The following ACYP2 variants were observed in gnomAD, a reference collection of about 807,000 sequenced individuals.
ACYP2 encodes acylphosphatase-2.
Under a neutral mutation model 11.2 loss-of-function variants are expected in ACYP2, and 12 were observed. The observed-to-expected ratio is 1.08, with a 90% confidence interval of 0.69 to 1.74. ACYP2 has a LOEUF of 1.74. Among genes scored for constraint, ACYP2 ranks in the 40% most tolerant of loss-of-function variants. ACYP2 has a pLI of 0.00. For missense variants in ACYP2, 134 were observed against 101.9 expected (o/e 1.31, Z -1.35); for synonymous variants, 43 against 32.2 (o/e 1.33, Z -1.13).
At chr2:54,267,579 G>A (rs761146971) in intron 6 of ACYP2, among the ~76,000 whole-genome samples, 3 of 152,126 alleles carry the variant, frequency 2.0e-5, no homozygotes, top group Non-Finnish European at 4.4e-5. Flanking sequence ...AGGCCTCCCT[G>A]GGGTAACAAA....
intron 6 of ACYP2, among the ~76,000 whole-genome samples, chr2:54,154,398 TTG>T (rs1682340989): frequency 6.6e-6 from 1 of 152,236 alleles, no homozygotes; most frequent in Non-Finnish European, 1.5e-5. Context: ...TTTTTCACCA[TTG>T]TGTGTAATGT....
At chr2:54,282,399 C>T (rs1688888659) in intron 6 of ACYP2, among the ~76,000 whole-genome samples, 1 of 152,170 alleles carries the variant, frequency 6.6e-6, no homozygotes, top group Non-Finnish European at 1.5e-5. Flanking sequence ...CACCCTGCTC[C>T]ACATTTTGCT....
intron 6 of ACYP2, among the ~76,000 whole-genome samples, chr2:54,182,047 A>ATTTTTTTTTTTTTTTT (rs35145998): frequency 6.0e-5 from 5 of 83,068 alleles, no homozygotes; most frequent in African/African-American, 2.6e-4. Context: ...ATAGAAGATA[A>ATTTTTTTTTTTTTTTT]TTTTTTTTTT....
chr2:54,189,974 G>A (rs752814668), intron 6 of ACYP2, among the ~76,000 whole-genome samples: 3 of 151,984 alleles, frequency 2.0e-5, no homozygotes, highest in South Asian at 2.1e-4. Context: ...GCATCTTTTC[G>A]TATACCTGTT....
At chr2:54,289,207 C>T (rs1689201850) in intron 6 of ACYP2, among the ~76,000 whole-genome samples, 1 of 151,936 alleles carries the variant, frequency 6.6e-6, no homozygotes, top group Non-Finnish European at 1.5e-5. Context: ...TCCCTTTCAG[C>T]CTCACATCCT....
chr2:54,096,794 C>T (rs988322560), intron 4 of ACYP2, among the ~76,000 whole-genome samples: 28 of 148,508 alleles, frequency 1.9e-4, no homozygotes, highest in African/African-American at 6.6e-4. Flanking sequence ...TACAGTCCAG[C>T]CTTGGCTCGG....
intron 6 of ACYP2, among the ~76,000 whole-genome samples, chr2:54,282,941 G>A (rs1354009682): frequency 6.6e-6 from 1 of 152,116 alleles, no homozygotes; most frequent in Non-Finnish European, 1.5e-5. Context: ...CCTGCTTCCT[G>A]TATATCCTGT....
chr2:54,133,359 A>G (rs1002790810), intron 4 of ACYP2, among the ~76,000 whole-genome samples: 2 of 151,852 alleles, frequency 1.3e-5, no homozygotes, highest in Admixed American at 6.6e-5. Flanking sequence ...TGGATCTACC[A>G]CAGTTGTTTA....
At chr2:54,231,353 A>T (rs966774032) in intron 6 of ACYP2, among the ~76,000 whole-genome samples, 3 of 152,218 alleles carry the variant, frequency 2.0e-5, no homozygotes, top group African/African-American at 7.2e-5. Context: ...TCTGAGATAC[A>T]TATACAAAAG....
chr2:54,275,774 C>T (rs756128981), intron 6 of ACYP2, among the ~76,000 whole-genome samples: 4 of 152,146 alleles, frequency 2.6e-5, no homozygotes, highest in Non-Finnish European at 5.9e-5. Flanking sequence ...AAAGTCAGCA[C>T]GTATTGCTTT....
chr2:54,216,512 CTTTT>C (rs1305963758), intron 6 of ACYP2, among the ~76,000 whole-genome samples: 1 of 144,702 alleles, frequency 6.9e-6, no homozygotes, highest in East Asian at 2.0e-4. Flanking sequence ...ATTGATGAAT[CTTTT>C]TTTTTTAACT....
At chr2:54,194,716 T>C (rs763728040) in intron 6 of ACYP2, among the ~76,000 whole-genome samples, 3 of 152,224 alleles carry the variant, frequency 2.0e-5, no homozygotes, top group Non-Finnish European at 4.4e-5. Context: ...TGCTTTGTCA[T>C]GTTATTATCA....
chr2:54,198,416 A>G (rs1467154957), intron 6 of ACYP2, among the ~76,000 whole-genome samples: 1 of 152,168 alleles, frequency 6.6e-6, no homozygotes, highest in African/African-American at 2.4e-5. Flanking sequence ...AGGCTATCAT[A>G]TGGTTCCCAC....
chr2:54,243,506 A>AT (rs1686819429), intron 6 of ACYP2, among the ~76,000 whole-genome samples: 1 of 151,984 alleles, frequency 6.6e-6, no homozygotes, highest in Non-Finnish European at 1.5e-5. Flanking sequence ...TCATTCATTT[A>AT]TTTTTTGAGA....
At chr2:54,296,038 C>T (rs1189882078) in intron 6 of ACYP2, among the ~76,000 whole-genome samples, 2 of 151,866 alleles carry the variant, frequency 1.3e-5, no homozygotes, top group Non-Finnish European at 2.9e-5. Flanking sequence ...CGAATTACAG[C>T]ATGAGCCACA....
intron 5 of ACYP2, among the ~76,000 whole-genome samples, chr2:54,136,233 G>T (rs1002472539): frequency 6.6e-6 from 1 of 152,074 alleles, no homozygotes; most frequent in Non-Finnish European, 1.5e-5. Context: ...TAGAGACAGG[G>T]TTTCACCATA....
At chr2:54,175,242 T>G (rs1683406901) in intron 6 of ACYP2, among the ~76,000 whole-genome samples, 1 of 152,184 alleles carries the variant, frequency 6.6e-6, no homozygotes, top group African/African-American at 2.4e-5. Context: ...TTCAACATCT[T>G]CCTGGTTTAG....
chr2:54,246,401 T>A (rs1438908013), intron 6 of ACYP2, among the ~76,000 whole-genome samples: 2 of 152,170 alleles, frequency 1.3e-5, no homozygotes, highest in Admixed American at 6.5e-5. Context: ...TTTGTACAAG[T>A]CTTTGTGTCT....
chr2:54,087,934 G>A (rs1480281785), intron 4 of ACYP2, among the ~76,000 whole-genome samples: 2 of 152,206 alleles, frequency 1.3e-5, no homozygotes, highest in African/African-American at 2.4e-5. Context: ...GGGAAGAAGA[G>A]CAGTTAGATT....
Sources: gnomAD v4.1 joint callset for allele counts (sites outside exome capture counted in the v4.1 genomes callset) on GRCh38, gnomAD v4.1.1 for gene constraint, MANE v1.5 for transcripts, NCBI Gene and HGNC (gene_info 2026-07-23, HGNC 2026-07-21) for gene names.